Variants in AKAP6 observed in about 807,000 individuals in gnomAD.
AKAP6 encodes A-kinase anchor protein 6.
In AKAP6, 58 loss-of-function variants were observed where a neutral mutation model predicts 188.5. That is an observed-to-expected ratio of 0.31 (90% CI 0.25 to 0.38). The LOEUF is 0.38. Among genes scored for constraint, AKAP6 ranks in the 10% least tolerant of loss-of-function variants. The pLI, the probability that AKAP6 is intolerant of heterozygous loss-of-function variation, is 1.00. For missense variants in AKAP6, 2,710 were observed against 2,740.0 expected (o/e 0.99, Z 0.24); for synonymous variants, 989 against 998.6 (o/e 0.99, Z 0.18).
Position 32,791,246 on chromosome 14 carries a change from C to T in AKAP6, c.3588+17353C>T, listed in dbSNP as rs577458316. ...TACACTCCCACCAACAGTATAAAAGCGTTCCTATTTCTCCAGAGCCTCTCC... is the reference window on the plus strand; with the variant it reads ...TACACTCCCACCAACAGTATAAAAGTGTTCCTATTTCTCCAGAGCCTCTCC... On this transcript the variant is annotated intron_variant, in intron 12 of 13. Transcript: ENST00000280979. Among the ~76,000 whole-genome samples the T allele has an allele frequency of 1.3e-3, 194 of 152,246 alleles. 2 individuals are homozygous for T. Among genetic ancestry groups the T allele is most frequent in the African/African-American group, 4.3e-3 (179 of 41,558 alleles).
chr14:32,696,427 G>T (rs558783907), intron 9 of AKAP6, among the ~76,000 whole-genome samples: 1 of 152,258 alleles, frequency 6.6e-6, no homozygotes, highest in East Asian at 1.9e-4. Context: ...AAGGATAAAT[G>T]GACTAGTAAT....
chr14:32,544,003 A>T (rs1025077058), intron 3 of AKAP6, among the ~76,000 whole-genome samples: 1 of 152,188 alleles, frequency 6.6e-6, no homozygotes, highest in African/African-American at 2.4e-5. Flanking sequence ...GTGGAGTAGG[A>T]GATAAAGGCA....
chr14:32,544,667 C>T (rs1380183141), intron 3 of AKAP6, among the ~76,000 whole-genome samples: 2 of 152,166 alleles, frequency 1.3e-5, no homozygotes, highest in African/African-American at 4.8e-5. Flanking sequence ...AGAAACTGGT[C>T]TTGAACTATT....
intron 12 of AKAP6, among the ~76,000 whole-genome samples, chr14:32,808,588 A>T (rs1242545189): frequency 6.6e-6 from 1 of 152,238 alleles, no homozygotes; most frequent in South Asian, 2.1e-4. Context: ...GAAATAATCC[A>T]TGCTTTTTGC....
chr14:32,689,974 A>G (rs1009612106), intron 8 of AKAP6, among the ~76,000 whole-genome samples: 2 of 151,874 alleles, frequency 1.3e-5, no homozygotes, highest in East Asian at 3.9e-4. Flanking sequence ...AGAACTCCCA[A>G]TATAGACAGG....
rs76710613 is a variant in AKAP6 at position 32,476,678 on chromosome 14, C to A, written c.324+42861C>A. Among the ~76,000 whole-genome samples, 33 of 152,250 alleles carry A rather than the reference C, an allele frequency of 2.2e-4. 1 individual carries two copies. The East Asian group carries it at 6.2e-3, about 29-fold the overall frequency. On this transcript the variant is annotated intron_variant, in intron 2 of 13. Transcript: ENST00000280979. Reference sequence around the variant, plus strand: ...GCTAAAATAATAGGGAGGGATTTTCCGTAAGTGTTACCAAACTAAACTGGG... The same window carrying A: ...GCTAAAATAATAGGGAGGGATTTTCAGTAAGTGTTACCAAACTAAACTGGG...
intron 1 of AKAP6, among the ~76,000 whole-genome samples, chr14:32,335,977 T>C (rs1886686083): frequency 6.6e-6 from 1 of 151,702 alleles, no homozygotes; most frequent in Admixed American, 6.6e-5. Flanking sequence ...ATATTTATAA[T>C]GAACCCTTCT....
intron 1 of AKAP6, chr14:32,385,006 A>G (rs1412293415): frequency 6.6e-6 from 1 of 152,094 alleles, no homozygotes; most frequent in Non-Finnish European, 1.5e-5. Flanking sequence ...GCTTGGCATT[A>G]GGGAGATCTG....
intron 4 of AKAP6, among the ~76,000 whole-genome samples, chr14:32,563,489 G>GT (rs1369576571): frequency 3.9e-5 from 6 of 152,162 alleles, no homozygotes; most frequent in Non-Finnish European, 8.8e-5. Context: ...TATTAGTACT[G>GT]TGGGGGGGGA....
Position 32,824,286 on chromosome 14 carries a change from C to G in AKAP6, c.6473C>G (p.Ala2158Gly), listed in dbSNP as rs539057347. ...DKEDIECFFE[A>G]CVEGDSDGEE... ...GAAGATATTGAATGCTTTTTTGAGGCCTGTGTTGAGGGTGACTCTGATGGA... is the reference window on the plus strand; with the variant it reads ...GAAGATATTGAATGCTTTTTTGAGGGCTGTGTTGAGGGTGACTCTGATGGA... Residue 2158 changes from alanine (A) to glycine (G), a missense_variant, in exon 13 of 14, where the codon GCC (alanine) becomes GGC (glycine). Around this residue, in one of 2 missense-constraint regions of AKAP6, gnomAD observed 2,473 missense variants for 2,426.1 expected, o/e 1.02. Transcript: ENST00000280979. The G allele has an allele frequency of 2.0e-5, 32 of 1,613,692 alleles. No homozygotes were observed. The highest frequency in any genetic ancestry group is 2.7e-5 in the Non-Finnish European group (32 of 1,179,912).
chr14:32,528,677 T>C (rs1350279487), intron 2 of AKAP6, among the ~76,000 whole-genome samples: 1 of 152,092 alleles, frequency 6.6e-6, no homozygotes, highest in East Asian at 1.9e-4. Flanking sequence ...ACATAAACTT[T>C]ATTATTATTA....
chr14:32,688,598 A>G (rs1300184851), intron 8 of AKAP6, among the ~76,000 whole-genome samples: 1 of 152,134 alleles, frequency 6.6e-6, no homozygotes, highest in Non-Finnish European at 1.5e-5. Flanking sequence ...TCTATATCAG[A>G]TGACGCACAA....
chr14:32,808,681 GT>G (rs981406793), intron 12 of AKAP6, among the ~76,000 whole-genome samples: 1 of 151,846 alleles, frequency 6.6e-6, no homozygotes, highest in Non-Finnish European at 1.5e-5. Context: ...CAATTCTTCC[GT>G]TTTTTTTCTT....
rs1326802767 is a variant in AKAP6 at position 32,834,554 on chromosome 14, T to TTTTTTTTTTTTTTTC, written c.*4749_*4750insTTTTTTTTTTTTTTC. Reference sequence around the variant, plus strand: ...AAGTCTTTTTTTTTTTTTTTTTTTTTAAATCTTGCATAGTTTCCCTGTGCT... The same window carrying TTTTTTTTTTTTTTTC: ...AAGTCTTTTTTTTTTTTTTTTTTTTTTTTTTTTTTTTTTTCAAATCTTGCATAGTTTCCCTGTGCT... On this transcript the variant is annotated 3_prime_UTR_variant, in exon 14 of 14. Coordinates refer to ENST00000280979, the MANE Select transcript of AKAP6 (RefSeq NM_004274.5). The TTTTTTTTTTTTTTTC allele has an allele frequency of 6.8e-6, 1 of 146,174 alleles. No individual in the cohort carries two copies. The highest frequency in any genetic ancestry group is 1.5e-5 in the Non-Finnish European group (1 of 66,084). The allele number at this position is 146,174 out of a possible 1,614,324, so 9.1% of individuals were successfully genotyped here.
chr14:32,372,068 T>C (rs1053218103), intron 1 of AKAP6, among the ~76,000 whole-genome samples: 5 of 152,032 alleles, frequency 3.3e-5, no homozygotes, highest in African/African-American at 1.2e-4. Flanking sequence ...CCTGGGGATA[T>C]AGAATGCTCC....
chr14:32,661,922 A>G (rs1888715918), intron 7 of AKAP6, among the ~76,000 whole-genome samples: 1 of 152,132 alleles, frequency 6.6e-6, no homozygotes, highest in Non-Finnish European at 1.5e-5. Context: ...TTATGAAAGT[A>G]TGAATGTTAT....
intron 2 of AKAP6, among the ~76,000 whole-genome samples, chr14:32,488,093 G>T (rs1879800675): frequency 6.6e-6 from 1 of 152,170 alleles, no homozygotes; most frequent in Non-Finnish European, 1.5e-5. Context: ...TAGCTGGCAG[G>T]CAGGCAAATT....
chr14:32,717,348 G>A (rs1420395469), intron 9 of AKAP6, among the ~76,000 whole-genome samples: 2 of 151,992 alleles, frequency 1.3e-5, no homozygotes, highest in African/African-American at 4.8e-5. Context: ...TCTGTCATCT[G>A]TTTATTTCAG....
intron 9 of AKAP6, among the ~76,000 whole-genome samples, chr14:32,722,487 C>T (rs55924110): frequency 0.18 from 27,267 of 152,078 alleles, 2,695 homozygotes; most frequent in Non-Finnish European, 0.23. Context: ...TAAATGAGAA[C>T]ATGCATTCCT....
Sources: gnomAD v4.1 joint callset for allele counts (sites outside exome capture counted in the v4.1 genomes callset) on GRCh38, gnomAD v4.1.1 for gene constraint, gnomAD v4.1.1 regional missense constraint, MANE v1.5 for transcripts, NCBI Gene and HGNC (gene_info 2026-07-23, HGNC 2026-07-21) for gene names.